Variants in WASHC2C observed in about 807,000 individuals in gnomAD.
WASHC2C encodes Vaccinia Penetration Factor.
WASHC2C carries 73 observed loss-of-function variants against 142.2 expected under a neutral mutation model. The observed-to-expected ratio is 0.51, with a 90% CI of 0.43 to 0.62. The LOEUF is 0.62. WASHC2C is among the 20% of genes least tolerant of loss of function. The pLI is 0.00. For missense variants in WASHC2C, 969 were observed against 1,531.7 expected (o/e 0.63, Z 6.13); for synonymous variants, 337 against 565.5 (o/e 0.60, Z 5.73).
At chr10:45,749,845 ATATATATATATT>A (rs1388548745) in intron 8 of WASHC2C, among the ~76,000 whole-genome samples, 4 of 131,232 alleles carry the variant, frequency 3.0e-5, no homozygotes, top group African/African-American at 9.1e-5. Flanking sequence ...AAATATATAT[ATATATATATATT>A]TATATATATA....
At position 45,754,137 on chromosome 10, in the gene WASHC2C, A is replaced by G. The variant is rs2053949440; in HGVS notation, c.1181-349A>G. On this transcript the variant is annotated intron_variant, in intron 13 of 30. Transcript: ENST00000623400. ...CACCCGTTCATTCTCATCCAACTGG[A>G]ATGGGTAGAGGTGGAACTGTTTGGG... Among the ~76,000 whole-genome samples, 3 of 152,168 alleles carry G rather than the reference A, an allele frequency of 2.0e-5. No homozygotes were observed. In the South Asian group the frequency reaches 6.2e-4, roughly 32 times the overall value.
intron 3 of WASHC2C, among the ~76,000 whole-genome samples, chr10:45,730,841 G>C (rs529915160): frequency 1.3e-5 from 2 of 151,910 alleles, no homozygotes; most frequent in Non-Finnish European, 2.9e-5. Flanking sequence ...GGATGATCTC[G>C]ATCTCCTGAC....
chr10:45,785,824 G>A, intron 26 of WASHC2C, 193 bp downstream of exon 26: 1 of 1,058,178 alleles, frequency 9.5e-7, no homozygotes, highest in Non-Finnish European at 1.4e-6. Flanking sequence ...AGAGTTTCAT[G>A]AATCTATACT....
chr10:45,763,068 T>C (rs2055338293), intron 17 of WASHC2C, among the ~76,000 whole-genome samples: 1 of 152,016 alleles, frequency 6.6e-6, no homozygotes, highest in South Asian at 2.1e-4. Context: ...CTTATATATT[T>C]ATTTTTTTAG....
At chr10:45,768,436 G>C (rs139673786) in intron 19 of WASHC2C, among the ~76,000 whole-genome samples, 3,626 of 152,116 alleles carry the variant, frequency 0.024, 50 homozygotes, top group East Asian at 0.049. Context: ...AAATCACCCA[G>C]GCACCCTGTG....
chr10:45,776,985 C>T (rs191747718), intron 21 of WASHC2C, among the ~76,000 whole-genome samples: 6 of 150,946 alleles, frequency 4.0e-5, no homozygotes, highest in South Asian at 2.1e-4. Context: ...GACTCATGAT[C>T]GTCTGGTGGC....
chr10:45,741,897 G>A (rs1589631225), intron 5 of WASHC2C, among the ~76,000 whole-genome samples: 1 of 151,498 alleles, frequency 6.6e-6, no homozygotes, highest in Non-Finnish European at 1.5e-5. Flanking sequence ...GGGTTCAAGC[G>A]ATTCTCCTGC....
chr10:45,754,912 G>T lies in WASHC2C; in HGVS notation c.1241-24G>T, dbSNP rs561361437. On this transcript the variant is annotated intron_variant, in intron 14 of 30. Coordinates refer to ENST00000623400, the MANE Select transcript of WASHC2C (RefSeq NM_001330074.2). ...CGGCCCACACTGGCTCACAGCTGTGGCTGTCTTGTCCCTTCACTCACAGGA... is the reference window on the plus strand; with the variant it reads ...CGGCCCACACTGGCTCACAGCTGTGTCTGTCTTGTCCCTTCACTCACAGGA... The T allele has an allele frequency of 2.1e-4, 344 of 1,611,876 alleles. 1 individual carries two copies. Among genetic ancestry groups the T allele is most frequent in the Admixed American group, 5.5e-4 (33 of 59,990 alleles).
rs1269226047 is a variant in WASHC2C at position 45,792,326 on chromosome 10, G to A, written c.3952G>A (p.Ala1318Thr). ...ACCAAAAAGCCGATCTGCACAGGCC[G>A]CACCTGAACCAAGATTTGAACACAA... is the stretch of plus-strand genomic sequence containing the variant. ...TKPKSRSAQA[A>T]PEPRFEHKVS... Residue 1318 changes from alanine to threonine, a missense_variant, in exon 31 of 31, where the codon GCA (alanine) becomes ACA (threonine). Ala to Thr is a moderately conservative substitution (Grantham distance 58). Transcript: ENST00000623400. The A allele has an allele frequency of 1.5e-5, 23 of 1,565,158 alleles. 3 individuals carry two copies. Among genetic ancestry groups the A allele is most frequent in the South Asian group, 7.9e-5 (7 of 88,656 alleles).
chr10:45,762,193 T>G (rs1318531896), intron 17 of WASHC2C, among the ~76,000 whole-genome samples: 1 of 151,588 alleles, frequency 6.6e-6, no homozygotes, highest in Non-Finnish European at 1.5e-5. Flanking sequence ...TATAACATTT[T>G]GAAAATTTCT....
chr10:45,759,726 G>A (rs2054843927), intron 17 of WASHC2C, among the ~76,000 whole-genome samples: 2 of 152,122 alleles, frequency 1.3e-5, no homozygotes, highest in Non-Finnish European at 2.9e-5. Context: ...GGCTGAGATA[G>A]GAGATTCACT....
intron 21 of WASHC2C, among the ~76,000 whole-genome samples, chr10:45,775,679 A>ATTTT (rs1554886147): frequency 5.5e-4 from 76 of 137,800 alleles, no homozygotes; most frequent in African/African-American, 2.0e-3. Context: ...ATTTGCATTG[A>ATTTT]ATTTTTTTTT....
In WASHC2C at chr10:45,784,860, G is replaced by A. The variant is rs1554889392; in HGVS notation, c.2647G>A (p.Glu883Lys). 6.2e-7 allele frequency: 1 copy of A among 1,608,768 alleles called. No homozygotes were observed. The highest frequency in any genetic ancestry group is 8.5e-7 in the Non-Finnish European group (1 of 1,177,816). ...PSVGSLFGDD[E>K]DDDLFSSAKS... ...TGTTGGGAGCCTGTTTGGGGATGAT[G>A]AAGATGATGATCTTTTCAGCTCTGC... is the stretch of plus-strand genomic sequence containing the variant. The change falls in exon 25 of 31, where the codon GAA becomes AAA. Residue 883 changes from glutamate (E) to lysine (K), a missense_variant. Glu to Lys is a moderately conservative substitution (Grantham distance 56). Coordinates refer to ENST00000623400, the MANE Select transcript of WASHC2C (RefSeq NM_001330074.2).
chr10:45,762,003 A>G (rs2055157474), intron 17 of WASHC2C, among the ~76,000 whole-genome samples: 1 of 150,186 alleles, frequency 6.7e-6, no homozygotes, highest in Non-Finnish European at 1.5e-5. Context: ...CAGCGACCCC[A>G]TAATTAAAAA....
chr10:45,753,708 T>TA (rs2053881565), intron 13 of WASHC2C, among the ~76,000 whole-genome samples: 1 of 142,976 alleles, frequency 7.0e-6, no homozygotes, highest in Non-Finnish European at 1.5e-5. Context: ...AGGCTGGTCT[T>TA]AAACTCCTAT....
intron 6 of WASHC2C, among the ~76,000 whole-genome samples, chr10:45,744,531 A>G (rs2134383337): frequency 6.6e-6 from 1 of 151,256 alleles, no homozygotes; most frequent in South Asian, 2.1e-4. Flanking sequence ...TTATCTTTTA[A>G]TCTGATGCCA....
Position 45,768,120 on chromosome 10 carries a change from A to G in WASHC2C, c.1870-1329A>G, listed in dbSNP as rs1471643732. The stretch of plus-strand genomic sequence containing the variant: ...TGCTTGCCTGTAATCCCAGCTACTC[A>G]GGAGGCTGAGGCAAGAGAATCACTT... On this transcript the variant is annotated intron_variant, in intron 19 of 30. Coordinates refer to ENST00000623400, the MANE Select transcript of WASHC2C (RefSeq NM_001330074.2). 5.4e-4 allele frequency among the ~76,000 whole-genome samples: 81 copies of G among 151,248 alleles called. No homozygotes were observed. The South Asian group carries it at 0.017, about 31-fold the overall frequency.
intron 18 of WASHC2C, among the ~76,000 whole-genome samples, chr10:45,763,769 T>A (rs1361492607): frequency 6.6e-6 from 1 of 151,564 alleles, no homozygotes; most frequent in Non-Finnish European, 1.5e-5. Flanking sequence ...TGGAGTGCAG[T>A]GATGCGATCT....
At position 45,777,442 on chromosome 10, in the gene WASHC2C, G is replaced by A. The variant is rs782604757; in HGVS notation, c.2295+17G>A. The stretch of plus-strand genomic sequence containing the variant: ...TCAGAAAAGGTGGACTTTTTTTCTT[G>A]TATACTTGAATGCATTTGTCTCTCG... On this transcript the variant is annotated intron_variant, in intron 22 of 30. Transcript: ENST00000623400. The A allele has an allele frequency of 1.2e-6, 2 of 1,610,592 alleles. No individual in the cohort carries two copies. Among genetic ancestry groups the A allele is most frequent in the South Asian group, 2.2e-5 (2 of 90,978 alleles).
Sources: gnomAD v4.1 joint callset for allele counts (sites outside exome capture counted in the v4.1 genomes callset) on GRCh38, gnomAD v4.1.1 for gene constraint, MANE v1.5 for transcripts, NCBI Gene and HGNC (gene_info 2026-07-23, HGNC 2026-07-21) for gene names.